Variants in JAKMIP1 observed in about 807,000 individuals in gnomAD.
JAKMIP1 encodes janus kinase and microtubule interacting protein 1, also known as janus kinase and microtubule-interacting protein 1.
JAKMIP1 carries 33 observed loss-of-function variants against 113.0 expected under a neutral mutation model. That is an observed-to-expected ratio of 0.29 (90% CI 0.22 to 0.39). The LOEUF is 0.39. Ranked by LOEUF, JAKMIP1 falls within the 10% of genes least tolerant of loss-of-function variation. The pLI, the probability that JAKMIP1 is intolerant of heterozygous loss-of-function variation, is 1.00. For synonymous variants in JAKMIP1, 480 were observed against 459.9 expected, an observed-to-expected ratio of 1.04 and a Z score of -0.56; for missense variants, 813 against 1,080.5, an observed-to-expected ratio of 0.75 and a Z score of 3.47.
chr4:6,144,398 C>T (rs938217707), intron 1 of JAKMIP1, among the ~76,000 whole-genome samples: 1 of 152,214 alleles, frequency 6.6e-6, no homozygotes, highest in Non-Finnish European at 1.5e-5. Context: ...GCCAGTATTA[C>T]CCTGACACTG....
chr4:6,045,098 C>T (rs914096788), intron 16 of JAKMIP1, among the ~76,000 whole-genome samples: 2 of 152,270 alleles, frequency 1.3e-5, no homozygotes, highest in Non-Finnish European at 2.9e-5. Context: ...GGGCTCATCT[C>T]TCCTCCCTCC....
intron 3 of JAKMIP1, among the ~76,000 whole-genome samples, chr4:6,099,576 C>A (rs556615062): frequency 6.6e-6 from 1 of 151,904 alleles, no homozygotes; most frequent in Non-Finnish European, 1.5e-5. Context: ...CAATCTGATT[C>A]TTTTGCTTTA....
chr4:6,171,098 TACC>T (rs1229058953), intron 1 of JAKMIP1, among the ~76,000 whole-genome samples: 4 of 135,774 alleles, frequency 2.9e-5, no homozygotes, highest in South Asian at 2.5e-4. Context: ...TTCTCACTAC[TACC>T]ACCATCATCA....
chr4:6,065,389 A>ACG lies in JAKMIP1; in HGVS notation c.1303-382_1303-381insCG, dbSNP rs1717921290. ...CCCTGTGCCCAGAAAGCAGCCCAGC[A>ACG]CTCCGTCACGCTCCATGAGCAGCGC... On this transcript the variant is annotated intron_variant, in intron 8 of 20. Transcript: ENST00000409021. The surrounding 1 kb of genome is among the most constrained non-coding windows in gnomAD (Gnocchi z 5.1). 3.3e-5 allele frequency among the ~76,000 whole-genome samples: 5 copies of ACG among 152,290 alleles called. No homozygotes were observed. The highest frequency in any genetic ancestry group is 6.5e-5 in the Admixed American group (1 of 15,294).
Position 6,181,639 on chromosome 4 carries a change from G to A in JAKMIP1, c.-148+18614C>T, listed in dbSNP as rs527314779. Among the ~76,000 whole-genome samples the A allele has an allele frequency of 1.3e-5, 2 of 152,334 alleles. No individual in the cohort carries two copies. Among genetic ancestry groups the A allele is most frequent in the Non-Finnish European group, 1.5e-5 (1 of 68,032 alleles). ...GGGGTGAAATCAGGATATGCAGATGGAGGAGCAGGGGTCAAAGAAAAGTCA... is the reference window on the plus strand; with the variant it reads ...GGGGTGAAATCAGGATATGCAGATGAAGGAGCAGGGGTCAAAGAAAAGTCA... On this transcript the variant is annotated intron_variant, in intron 1 of 20. Transcript: ENST00000409021. The surrounding 1 kb of genome is among the most constrained non-coding windows in gnomAD (Gnocchi z 5.4).
At position 6,078,458 on chromosome 4, in the gene JAKMIP1, C is replaced by T. The variant is rs1444690780; in HGVS notation, c.1302+481G>A. Among the ~76,000 whole-genome samples the T allele has an allele frequency of 5.6e-5, 8 of 142,082 alleles. 1 individual carries two copies. The highest frequency in any genetic ancestry group is 2.1e-4 in the African/African-American group (8 of 37,788). 93.2% of individuals were successfully genotyped at this position (142,082 alleles called of 152,430 possible). A position where few individuals can be genotyped will look rare whatever the true frequency, so the allele number is the denominator to read the frequency against. ...TGCGCTCTTTACATTCCAGATTGGT[C>T]CCTGTGGGCATTTGAATTTTATAAG... is the stretch of plus-strand genomic sequence containing the variant. On this transcript the variant is annotated intron_variant, in intron 8 of 20. Coordinates refer to ENST00000409021, the MANE Select transcript of JAKMIP1 (RefSeq NM_001099433.2).
chr4:6,100,018 T>C (rs1464033707), intron 3 of JAKMIP1, among the ~76,000 whole-genome samples: 2 of 152,226 alleles, frequency 1.3e-5, no homozygotes, highest in Non-Finnish European at 2.9e-5. Flanking sequence ...CTTCCTCTTA[T>C]AAATATGCTC....
At chr4:6,131,366 CA>C (rs34129127) in intron 1 of JAKMIP1, among the ~76,000 whole-genome samples, 123 of 85,318 alleles carry the variant, frequency 1.4e-3, no homozygotes, top group Middle Eastern at 6.6e-3. Context: ...GGATAACTGC[CA>C]AAAAAAAAAA....
At chr4:6,053,848 C>T (rs914019547) in intron 13 of JAKMIP1, 19 of 1,405,110 alleles carry the variant, frequency 1.4e-5, no homozygotes, top group South Asian at 9.3e-5. Context: ...TGGGTGAGCA[C>T]GCTCTCCAGA....
rs567914326 is a variant in JAKMIP1 at position 6,168,988 on chromosome 4, G to T, written c.-148+31265C>A. 6.6e-6 allele frequency among the ~76,000 whole-genome samples: 1 copy of T among 152,128 alleles called. No individual in the cohort carries two copies. Among genetic ancestry groups the T allele is most frequent in the African/African-American group, 2.4e-5 (1 of 41,432 alleles). On this transcript the variant is annotated intron_variant, in intron 1 of 20. Transcript: ENST00000409021. The surrounding 1 kb of genome is among the most constrained non-coding windows in gnomAD (Gnocchi z 4.6). ...TCACGTGAAAGGAAGAGTTGGTGGT[G>T]GGGACTGTTAATAGGCATTGGATTT...
Position 6,065,123 on chromosome 4 carries a change from G to C in JAKMIP1, c.1303-115C>G. ...GTGATGATTGACATTTGGGCCACTGGGGCATCACAAGATGCGGTTGGTGGG... is the reference window on the plus strand; with the variant it reads ...GTGATGATTGACATTTGGGCCACTGCGGCATCACAAGATGCGGTTGGTGGG... On this transcript the variant is annotated intron_variant, in intron 8 of 20. Coordinates refer to ENST00000409021, the MANE Select transcript of JAKMIP1 (RefSeq NM_001099433.2). This position sits in a 1 kb window ranked among gnomAD's most constrained non-coding sequence, Gnocchi z 5.1. The C allele has an allele frequency of 7.6e-7, 1 of 1,308,468 alleles. No individual in the cohort carries two copies. Among genetic ancestry groups the C allele is most frequent in the East Asian group, 2.3e-5 (1 of 43,232 alleles). The allele number at this position is 1,308,468 out of a possible 1,614,324, so 81.1% of individuals were successfully genotyped here.
rs1725890248 is a variant in JAKMIP1 at position 6,180,466 on chromosome 4, T to C, written c.-148+19787A>G. On this transcript the variant is annotated intron_variant, in intron 1 of 20. Transcript: ENST00000409021. This position sits in a 1 kb window ranked among gnomAD's most constrained non-coding sequence, Gnocchi z 4.5. ...GATAGGCAATGGGGACCGATACCTG[T>C]GCTACAAGAAGAATTAAGCACCATA... 6.6e-6 allele frequency among the ~76,000 whole-genome samples: 1 copy of C among 152,184 alleles called. No homozygotes were observed. The highest frequency in any genetic ancestry group is 1.5e-5 in the Non-Finnish European group (1 of 68,040).
At position 6,105,803 on chromosome 4, in the gene JAKMIP1, C is replaced by G. The variant is rs779545867; in HGVS notation, c.294G>C (p.Glu98Asp). Reference sequence around the variant, plus strand: ...CCTTGATCTTGGCGGTGCGCGCCGCCTCCTGCTCGTGCTGCCGGATGAGCC... The same window carrying G: ...CCTTGATCTTGGCGGTGCGCGCCGCGTCCTGCTCGTGCTGCCGGATGAGCC... Reference protein sequence around the residue: ...REGLIRQHEQEAARTAKIKEG... With the variant: ...REGLIRQHEQDAARTAKIKEG... The change falls in exon 3 of 21, where the codon GAG (glutamate) becomes GAC (aspartate). Residue 98 changes from glutamate to aspartate, a missense_variant. Coordinates refer to ENST00000409021, the MANE Select transcript of JAKMIP1 (RefSeq NM_001099433.2). 1 of 1,609,462 alleles carries G rather than the reference C, an allele frequency of 6.2e-7. No individual in the cohort carries two copies. Among genetic ancestry groups the G allele is most frequent in the Non-Finnish European group, 8.5e-7 (1 of 1,179,682 alleles).
In JAKMIP1 at chr4:6,062,253, G is replaced by C. The variant is rs1167613749; in HGVS notation, c.1560+59C>G. 1.9e-6 allele frequency: 3 copies of C among 1,587,146 alleles called. No homozygotes were observed. In the Admixed American group the frequency reaches 5.0e-5, roughly 26 times the overall value. ...CCAGGGTATGTCACACTTCTGGAAA[G>C]GACCTACATGACCTGGCCTTCGGCC... On this transcript the variant is annotated intron_variant, in intron 10 of 20. Transcript: ENST00000409021.
chr4:6,049,969 G>T lies in JAKMIP1; in HGVS notation c.1909-97C>A. On this transcript the variant is annotated intron_variant, in intron 14 of 20. Coordinates refer to ENST00000409021, the MANE Select transcript of JAKMIP1 (RefSeq NM_001099433.2). This position sits in a 1 kb window ranked among gnomAD's most constrained non-coding sequence, Gnocchi z 7.0. ...GCCTTTCCTCTGGACAAGACACCGC[G>T]CTCTTTCTTTTCTTTTCTGGCCAAG... 1.2e-6 allele frequency: 1 copy of T among 831,482 alleles called. No individual in the cohort carries two copies. The highest frequency in any genetic ancestry group is 2.0e-6 in the Non-Finnish European group (1 of 506,492). 51.5% of individuals were successfully genotyped at this position (831,482 alleles called of 1,614,324 possible).
chr4:6,077,455 G>C (rs1408938877), intron 8 of JAKMIP1, among the ~76,000 whole-genome samples: 3 of 149,456 alleles, frequency 2.0e-5, no homozygotes, highest in Non-Finnish European at 4.4e-5. Context: ...CTGGCCTCTA[G>C]AACTGTAAGA....
intron 8 of JAKMIP1, among the ~76,000 whole-genome samples, chr4:6,077,310 T>C (rs1560148492): frequency 6.6e-6 from 1 of 151,708 alleles, no homozygotes; most frequent in Non-Finnish European, 1.5e-5. Flanking sequence ...AGGCAGAGAT[T>C]GGAGTTCAAG....
In JAKMIP1 at chr4:6,088,266, T is replaced by C. The variant is rs1721576830; in HGVS notation, c.625-2637A>G. Among the ~76,000 whole-genome samples, 1 of 152,060 alleles carries C rather than the reference T, an allele frequency of 6.6e-6. No individual in the cohort carries two copies. Among genetic ancestry groups the C allele is most frequent in the Non-Finnish European group, 1.5e-5 (1 of 68,000 alleles). On this transcript the variant is annotated intron_variant, in intron 3 of 20. Coordinates refer to ENST00000409021, the MANE Select transcript of JAKMIP1 (RefSeq NM_001099433.2). The surrounding 1 kb of genome is among the most constrained non-coding windows in gnomAD (Gnocchi z 5.5). ...TAGTGATTGAGAGTGATTTGTGCTA[T>C]GAGGGGGAAAAAAAACAATAACAAC... is the stretch of plus-strand genomic sequence containing the variant.
Position 6,064,321 on chromosome 4 carries a change from A to C in JAKMIP1, c.1431+559T>G, listed in dbSNP as rs1187587740. 1.3e-5 allele frequency among the ~76,000 whole-genome samples: 2 copies of C among 152,220 alleles called. No homozygotes were observed. The highest frequency in any genetic ancestry group is 4.8e-5 in the African/African-American group (2 of 41,452). ...CTGGTCTTTGCCCCCTCACGAATCC[A>C]CCTTGCTCAAGAAGCTGGCTATGCA... On this transcript the variant is annotated intron_variant, in intron 9 of 20. Coordinates refer to ENST00000409021, the MANE Select transcript of JAKMIP1 (RefSeq NM_001099433.2). This position sits in a 1 kb window ranked among gnomAD's most constrained non-coding sequence, Gnocchi z 4.3.
Sources: allele counts gnomAD v4.1 joint callset (sites outside exome capture counted in the v4.1 genomes callset), GRCh38; gene constraint gnomAD v4.1.1; non-coding constraint Gnocchi (gnomAD v3.1); transcripts MANE v1.5; gene names NCBI Gene and HGNC (gene_info 2026-07-23, HGNC 2026-07-21).